FAF1: variants seen among roughly 807,000 people sequenced by gnomAD.
FAF1 encodes the protein FAS-associated factor 1.
FAF1 carries 25 observed loss-of-function variants against 92.5 expected under a neutral mutation model. That is an observed-to-expected ratio of 0.27 (90% CI 0.20 to 0.38). The LOEUF is 0.38. FAF1 is among the 10% of genes least tolerant of loss of function. The pLI, the probability that FAF1 is intolerant of heterozygous loss-of-function variation, is 1.00. For missense variants in FAF1, 636 were observed against 793.3 expected (o/e 0.80, Z 2.38); for synonymous variants, 234 against 273.2 (o/e 0.86, Z 1.42).
intron 18 of FAF1, among the ~76,000 whole-genome samples, chr1:50,450,837 T>C (rs956089357): frequency 6.6e-6 from 1 of 152,238 alleles, no homozygotes; most frequent in Non-Finnish European, 1.5e-5. Flanking sequence ...TAAACAACTA[T>C]GACAACAATG....
At chr1:50,839,488 C>T (rs1194042601) in intron 2 of FAF1, among the ~76,000 whole-genome samples, 1 of 152,026 alleles carries the variant, frequency 6.6e-6, no homozygotes, top group Non-Finnish European at 1.5e-5. Context: ...AATAGCCTGA[C>T]AAGAGAAAAA....
chr1:50,535,289 T>C (rs1278616604), intron 15 of FAF1, 80 bp downstream of exon 15: 69 of 922,396 alleles, frequency 7.5e-5, no homozygotes, highest in Non-Finnish European at 2.1e-5. Context: ...GATCATATCA[T>C]AGGCATGTAT....
At position 50,837,643 on chromosome 1, in the gene FAF1, T is replaced by C. The variant is rs188907716; in HGVS notation, c.114+20286A>G. On this transcript the variant is annotated intron_variant, in intron 2 of 18. Transcript: ENST00000396153. ...TGAAGGATAATTACTAGATCTAACA[T>C]TGACCTATAAAGTTTGTACCAAATA... Among the ~76,000 whole-genome samples the C allele has an allele frequency of 4.3e-3, 658 of 152,290 alleles. 10 individuals are homozygous for C. The highest frequency in any genetic ancestry group is 4.7e-3 in the Non-Finnish European group (317 of 68,014).
At chr1:50,599,385 T>C (rs1429275261) in intron 8 of FAF1, among the ~76,000 whole-genome samples, 1 of 152,152 alleles carries the variant, frequency 6.6e-6, no homozygotes, top group Non-Finnish European at 1.5e-5. Flanking sequence ...GTGCTGGGAT[T>C]ACAGGCCTAA....
intron 7 of FAF1, among the ~76,000 whole-genome samples, chr1:50,678,776 CAAAAAAAAAAAAA>C (rs58946586): frequency 8.6e-4 from 12 of 13,928 alleles, no homozygotes; most frequent in South Asian, 0.013. Context: ...GACTCCATCT[CAAAAAAAAAAAAA>C]AAAAAAAAAA....
intron 8 of FAF1, among the ~76,000 whole-genome samples, chr1:50,605,788 T>A (rs767201777): frequency 3.3e-5 from 5 of 152,248 alleles, no homozygotes; most frequent in Non-Finnish European, 5.9e-5. Flanking sequence ...CTCTTGACTC[T>A]GCTTTTCTTC....
intron 12 of FAF1, among the ~76,000 whole-genome samples, chr1:50,571,774 A>G (rs1650455712): frequency 6.6e-6 from 1 of 152,082 alleles, no homozygotes; most frequent in Non-Finnish European, 1.5e-5. Flanking sequence ...TTGTATTTAG[A>G]CTCTTAGTGT....
intron 18 of FAF1, among the ~76,000 whole-genome samples, chr1:50,453,739 T>C (rs1646320921): frequency 6.6e-6 from 1 of 152,118 alleles, no homozygotes; most frequent in African/African-American, 2.4e-5. Flanking sequence ...AGAAAAGTAT[T>C]TAGGAAGAGA....
chr1:50,585,255 G>A (rs1284424727), intron 9 of FAF1, among the ~76,000 whole-genome samples: 1 of 152,072 alleles, frequency 6.6e-6, no homozygotes, highest in Non-Finnish European at 1.5e-5. Context: ...TGGTTCTCAG[G>A]TTTCTCTTTG....
chr1:50,754,949 A>G (rs1660017256), intron 4 of FAF1, among the ~76,000 whole-genome samples: 1 of 152,074 alleles, frequency 6.6e-6, no homozygotes, highest in South Asian at 2.1e-4. Flanking sequence ...ACCCACCCCC[A>G]TGACTCAATT....
chr1:50,943,179 G>A (rs1645147525), intron 1 of FAF1, among the ~76,000 whole-genome samples: 1 of 152,094 alleles, frequency 6.6e-6, no homozygotes, highest in South Asian at 2.1e-4. Flanking sequence ...TAATCCAACT[G>A]ACAGAGGCTT....
intron 1 of FAF1, among the ~76,000 whole-genome samples, chr1:50,941,049 T>A (rs1645128563): frequency 6.6e-6 from 1 of 151,270 alleles, no homozygotes; most frequent in Non-Finnish European, 1.5e-5. Context: ...TTTTTTTTTT[T>A]AAGACACAGT....
At chr1:50,556,238 CAAAAAA>C (rs34420030) in intron 13 of FAF1, among the ~76,000 whole-genome samples, 2 of 73,802 alleles carry the variant, frequency 2.7e-5, no homozygotes, top group Non-Finnish European at 5.1e-5. Context: ...ACTCCATCTC[CAAAAAA>C]AAAAAAAAAA....
At chr1:50,876,822 G>A (rs1223569978) in intron 1 of FAF1, among the ~76,000 whole-genome samples, 1 of 152,164 alleles carries the variant, frequency 6.6e-6, no homozygotes, top group Non-Finnish European at 1.5e-5. Context: ...GACCTCAGGT[G>A]GTCCGCCCAC....
intron 6 of FAF1, among the ~76,000 whole-genome samples, chr1:50,713,773 C>CTTTT (rs58832551): frequency 1.3e-4 from 15 of 119,532 alleles, no homozygotes; most frequent in Non-Finnish European, 1.9e-4. Flanking sequence ...AATGTAAAAG[C>CTTTT]TTTTTTTTTT....
intron 8 of FAF1, among the ~76,000 whole-genome samples, chr1:50,630,798 T>C (rs941909965): frequency 6.6e-6 from 1 of 151,738 alleles, no homozygotes; most frequent in African/African-American, 2.4e-5. Context: ...GTGGTTTCAC[T>C]TTCCAGTTTA....
intron 15 of FAF1, among the ~76,000 whole-genome samples, chr1:50,511,705 CAT>C (rs762012693): frequency 2.6e-5 from 4 of 152,170 alleles, no homozygotes; most frequent in Non-Finnish European, 5.9e-5. Context: ...CTGCAATAAA[CAT>C]ATGTGTGCAT....
At chr1:50,751,573 A>C (rs541044812) in intron 4 of FAF1, among the ~76,000 whole-genome samples, 45 of 152,200 alleles carry the variant, frequency 3.0e-4, no homozygotes, top group African/African-American at 1.1e-3. Context: ...TGAACTCCTG[A>C]CCTCATGATC....
intron 12 of FAF1, among the ~76,000 whole-genome samples, chr1:50,570,766 T>G (rs564898720): frequency 6.6e-6 from 1 of 152,288 alleles, no homozygotes; most frequent in African/African-American, 2.4e-5. Context: ...GCTAGTAAAT[T>G]TAGGCTATAT....
Sources: allele counts gnomAD v4.1 joint callset (sites outside exome capture counted in the v4.1 genomes callset), GRCh38; gene constraint gnomAD v4.1.1; transcripts MANE v1.5; gene names NCBI Gene and HGNC (gene_info 2026-07-23, HGNC 2026-07-21).